The following CRADD variants were observed in gnomAD, a reference collection of about 807,000 sequenced individuals.
The protein encoded by CRADD is death domain-containing protein CRADD.
Under a neutral mutation model 15.5 loss-of-function variants are expected in CRADD, and 9 were observed. That is an observed-to-expected ratio of 0.58 (90% CI 0.35 to 1.01). CRADD has a LOEUF of 1.01. Ranked by LOEUF, CRADD falls within the 50% of genes least tolerant of loss-of-function variation. The pLI, the probability that CRADD is intolerant of heterozygous loss-of-function variation, is 0.02. For synonymous variants in CRADD, 118 were observed against 107.6 expected, an observed-to-expected ratio of 1.10 and a Z score of -0.60; for missense variants, 227 against 250.3, an observed-to-expected ratio of 0.91 and a Z score of 0.63.
At chr12:93,780,906 C>G (rs1957201579) in intron 2 of CRADD, among the ~76,000 whole-genome samples, 1 of 138,834 alleles carries the variant, frequency 7.2e-6, no homozygotes, top group Non-Finnish European at 1.5e-5. Flanking sequence ...GCCACCATGC[C>G]CAGCTATTTT....
chr12:93,767,321 C>T (rs754662628), intron 2 of CRADD, among the ~76,000 whole-genome samples: 1 of 152,348 alleles, frequency 6.6e-6, no homozygotes, highest in Non-Finnish European at 1.5e-5. Context: ...ATTGGATAAA[C>T]GCCTTCCCTG....
In CRADD at chr12:93,811,312, A is replaced by G. The variant is rs151321139; in HGVS notation, c.299-38658A>G. ...TCCCCAGAACTGGGGCAGAGGAGGAAGAAAAAAGTGACTCTGTGGTTCAGG... is the reference window on the plus strand; with the variant it reads ...TCCCCAGAACTGGGGCAGAGGAGGAGGAAAAAAGTGACTCTGTGGTTCAGG... On this transcript the variant is annotated intron_variant, in intron 2 of 2. Coordinates refer to ENST00000332896, the MANE Select transcript of CRADD (RefSeq NM_003805.5). Among the ~76,000 whole-genome samples, 485 of 152,354 alleles carry G rather than the reference A, an allele frequency of 3.2e-3. 11 individuals carry two copies. The East Asian group carries it at 0.051, about 16-fold the overall frequency.
chr12:93,888,993 C>A (rs1050537465), intron 2 of CRADD, among the ~76,000 whole-genome samples: 1 of 152,024 alleles, frequency 6.6e-6, no homozygotes. Context: ...TGGGGTACAG[C>A]CAAGGGGAGC....
intron 2 of CRADD, among the ~76,000 whole-genome samples, chr12:93,870,771 A>G (rs1047727069): frequency 1.3e-5 from 2 of 152,158 alleles, no homozygotes; most frequent in African/African-American, 2.4e-5. Flanking sequence ...CCTAACCCCA[A>G]ACTCCTTTTG....
At chr12:93,869,504 T>C (rs1400207561) in intron 2 of CRADD, among the ~76,000 whole-genome samples, 1 of 152,206 alleles carries the variant, frequency 6.6e-6, no homozygotes, top group Admixed American at 6.5e-5. Flanking sequence ...GTAAATATGT[T>C]ACAGAATTTA....
At chr12:93,855,676 A>G (rs61927296), downstream of CRADD, among the ~76,000 whole-genome samples, 1,603 of 152,358 alleles carry the variant, frequency 0.011, 13 homozygotes, top group Non-Finnish European at 0.015. Context: ...CCCCACATGT[A>G]AAATGCAAAC....
intron 2 of CRADD, among the ~76,000 whole-genome samples, chr12:93,716,131 C>CAA (rs200370450): frequency 0.019 from 1,663 of 87,644 alleles, 24 homozygotes; most frequent in African/African-American, 0.057. Flanking sequence ...GACTCCACCT[C>CAA]AAAAAAAAAA....
rs985334638 is a variant in CRADD at position 93,867,403 on chromosome 12, A to ATATATATATTTTTT, written c.299-26646_299-26645insATATATATTTTTTT. The stretch of plus-strand genomic sequence containing the variant: ...TTGTATTTGACATATATATATATAT[A>ATATATATATTTTTT]TTTTTTAAACTTGGAAGTCCAAGAT... On this transcript the variant is annotated intron_variant, in intron 2 of 2. Transcript: ENST00000548483. Among the ~76,000 whole-genome samples the ATATATATATTTTTT allele has an allele frequency of 2.9e-4, 42 of 143,424 alleles. 2 individuals are homozygous for ATATATATATTTTTT. The highest frequency in any genetic ancestry group is 2.2e-3 in the South Asian group (10 of 4,486). The allele number at this position is 143,424 out of a possible 152,430, so 94.1% of individuals were successfully genotyped here.
intron 2 of CRADD, among the ~76,000 whole-genome samples, chr12:93,785,725 C>T (rs1957271132): frequency 6.6e-6 from 1 of 152,156 alleles, no homozygotes; most frequent in Non-Finnish European, 1.5e-5. Context: ...TGGTGTTACC[C>T]TACTTCACAG....
intron 2 of CRADD, among the ~76,000 whole-genome samples, chr12:93,716,312 C>T (rs1565885051): frequency 6.6e-6 from 1 of 152,104 alleles, no homozygotes; most frequent in Non-Finnish European, 1.5e-5. Flanking sequence ...ACAGCTCCTC[C>T]CACTGTCTAC....
chr12:93,708,767 A>G (rs544546513), intron 2 of CRADD: 1 of 152,378 alleles, frequency 6.6e-6, no homozygotes, highest in Admixed American at 6.5e-5. Flanking sequence ...GAGTAAATGA[A>G]TGCAGAATCT....
At chr12:93,874,129 A>G (rs938702195) in intron 2 of CRADD, among the ~76,000 whole-genome samples, 1 of 151,964 alleles carries the variant, frequency 6.6e-6, no homozygotes, top group Non-Finnish European at 1.5e-5. Flanking sequence ...ATTACTTGTT[A>G]TTGGTCTGTT....
intron 2 of CRADD, among the ~76,000 whole-genome samples, chr12:93,888,281 C>T (rs1396232233): frequency 6.6e-6 from 1 of 151,978 alleles, no homozygotes. Flanking sequence ...AAAAAATTAG[C>T]GGGCATGGTG....
At chr12:93,844,270 T>C (rs908727813) in intron 2 of CRADD, among the ~76,000 whole-genome samples, 2 of 152,184 alleles carry the variant, frequency 1.3e-5, no homozygotes, top group African/African-American at 2.4e-5. Context: ...GACCTGATTT[T>C]ATGTAGTATA....
At chr12:93,817,705 C>T (rs938957578) in intron 2 of CRADD, among the ~76,000 whole-genome samples, 4 of 152,262 alleles carry the variant, frequency 2.6e-5, no homozygotes, top group East Asian at 3.9e-4. Context: ...AATCCACTCT[C>T]GGTGGCCCTT....
downstream of CRADD, among the ~76,000 whole-genome samples, chr12:93,853,586 A>G (rs1258285777): frequency 6.6e-6 from 1 of 152,178 alleles, no homozygotes; most frequent in African/African-American, 2.4e-5. Flanking sequence ...AGAGCTGTTT[A>G]CGGCTCCCCT....
intron 2 of CRADD, among the ~76,000 whole-genome samples, chr12:93,684,840 T>C (rs11107150): frequency 6.6e-6 from 1 of 152,228 alleles, no homozygotes; most frequent in East Asian, 1.9e-4. Flanking sequence ...GGAAGTCAAG[T>C]GGGAGCCACA....
At chr12:93,814,119 A>G (rs1309490694) in intron 2 of CRADD, among the ~76,000 whole-genome samples, 1 of 152,202 alleles carries the variant, frequency 6.6e-6, no homozygotes, top group Non-Finnish European at 1.5e-5. Flanking sequence ...CCAGCCATAA[A>G]GTACAAGCCA....
chr12:93,822,966 A>T (rs958486868), intron 2 of CRADD, among the ~76,000 whole-genome samples: 32 of 152,226 alleles, frequency 2.1e-4, no homozygotes, highest in African/African-American at 7.7e-4. Context: ...AATGAACATG[A>T]TGATTTATGC....
Sources: gnomAD v4.1 joint callset for allele counts (sites outside exome capture counted in the v4.1 genomes callset) on GRCh38, gnomAD v4.1.1 for gene constraint, MANE v1.5 for transcripts, NCBI Gene and HGNC (gene_info 2026-07-23, HGNC 2026-07-21) for gene names.